The following TNR variants were observed in gnomAD, a reference collection of about 807,000 sequenced individuals.
TNR encodes tenascin-R.
A neutral mutation model predicts 150.4 loss-of-function variants in TNR; 45 were observed. The observed-to-expected ratio is 0.30, with a 90% CI of 0.24 to 0.38. The LOEUF is 0.38. Ranked by LOEUF, TNR falls within the 10% of genes least tolerant of loss-of-function variation. The pLI, the probability that TNR is intolerant of heterozygous loss-of-function variation, is 1.00. For missense variants in TNR, 1,544 were observed against 1,759.1 expected, an observed-to-expected ratio of 0.88 and a Z score of 2.19; for synonymous variants, 687 against 678.4, an observed-to-expected ratio of 1.01 and a Z score of -0.20.
At chr1:175,543,016 GC>G (rs1660562835) in intron 1 of TNR, among the ~76,000 whole-genome samples, 1 of 152,162 alleles carries the variant, frequency 6.6e-6, no homozygotes, top group African/African-American at 2.4e-5. Context: ...GCTCAGAAGG[GC>G]CTTGTGCTTG....
intron 1 of TNR, among the ~76,000 whole-genome samples, chr1:175,706,817 C>T (rs1397512691): frequency 6.6e-6 from 1 of 151,990 alleles, no homozygotes; most frequent in Non-Finnish European, 1.5e-5. Flanking sequence ...CACCTCCTTA[C>T]CCCCAAAAAA....
chr1:175,742,395 C>T (rs771135815), intron 1 of TNR, among the ~76,000 whole-genome samples: 22 of 152,192 alleles, frequency 1.4e-4, no homozygotes, highest in Middle Eastern at 6.8e-3. Context: ...GCCAAATGCC[C>T]CAGAAAACAG....
At chr1:175,614,250 G>C (rs1571677325) in intron 1 of TNR, among the ~76,000 whole-genome samples, 1 of 152,208 alleles carries the variant, frequency 6.6e-6, no homozygotes, top group East Asian at 1.9e-4. Context: ...AAAAGATTAT[G>C]ATACCTATGT....
chr1:175,436,062 C>G (rs1031617723), intron 2 of TNR, among the ~76,000 whole-genome samples: 3 of 152,170 alleles, frequency 2.0e-5, no homozygotes, highest in African/African-American at 7.2e-5. Context: ...TCTCTGGCTG[C>G]CCTTAACATT....
chr1:175,616,501 T>G (rs543871022), intron 1 of TNR, among the ~76,000 whole-genome samples: 3 of 152,298 alleles, frequency 2.0e-5, no homozygotes, highest in Admixed American at 6.5e-5. Flanking sequence ...CTTGGGGGTC[T>G]GGTGTAGCCT....
chr1:175,604,822 C>T (rs779734735), intron 1 of TNR, among the ~76,000 whole-genome samples: 29 of 152,122 alleles, frequency 1.9e-4, no homozygotes, highest in African/African-American at 4.6e-4. Flanking sequence ...TTTGCCGCAG[C>T]GCTAACCAGG....
intron 2 of TNR, among the ~76,000 whole-genome samples, chr1:175,424,955 G>A (rs1244922143): frequency 1.3e-5 from 2 of 152,108 alleles, no homozygotes; most frequent in Non-Finnish European, 2.9e-5. Context: ...GGCTCTAGTA[G>A]TGTTGTATCT....
Position 175,406,786 on chromosome 1 carries a change from G to A in TNR, c.-63-9C>T. Reference sequence around the variant, plus strand: ...CATGGAGTTGTGGGAATCTGCAACGGAAACCAAGGAAAGAGACAACCTCTG... The same window carrying A: ...CATGGAGTTGTGGGAATCTGCAACGAAAACCAAGGAAAGAGACAACCTCTG... On this transcript the variant is annotated splice_polypyrimidine_tract_variant and intron_variant, in intron 2 of 22. Transcript: ENST00000367674. The A allele has an allele frequency of 6.4e-7, 1 of 1,556,806 alleles. No homozygotes were observed. The highest frequency in any genetic ancestry group is 8.7e-7 in the Non-Finnish European group (1 of 1,151,320).
intron 1 of TNR, among the ~76,000 whole-genome samples, chr1:175,727,073 C>T (rs1422858957): frequency 1.3e-5 from 2 of 152,180 alleles, no homozygotes; most frequent in Non-Finnish European, 2.9e-5. Flanking sequence ...AGGCCAGGCT[C>T]TCACAAGGGG....
intron 1 of TNR, among the ~76,000 whole-genome samples, chr1:175,693,250 C>G (rs12406469): frequency 0.083 from 12,649 of 152,280 alleles, 670 homozygotes; most frequent in East Asian, 0.17. Flanking sequence ...CCACACTGCT[C>G]ACTTCTCTTT....
chr1:175,464,994 C>T (rs962393203), intron 2 of TNR, among the ~76,000 whole-genome samples: 1 of 152,060 alleles, frequency 6.6e-6, no homozygotes, highest in Non-Finnish European at 1.5e-5. Context: ...GGGCACTGAG[C>T]CTGAGCAGGC....
chr1:175,654,947 C>T (rs1468587671), intron 1 of TNR, among the ~76,000 whole-genome samples: 1 of 152,150 alleles, frequency 6.6e-6, no homozygotes, highest in Non-Finnish European at 1.5e-5. Flanking sequence ...TGGTCTCGAT[C>T]TCCTGACCTC....
Position 175,712,959 on chromosome 1 carries a change from A to G in TNR, c.-165+30267T>C, listed in dbSNP as rs114930792. 6.7e-3 allele frequency among the ~76,000 whole-genome samples: 1,019 copies of G among 152,308 alleles called. 7 individuals are homozygous for G. Among genetic ancestry groups the G allele is most frequent in the African/African-American group, 0.02 (851 of 41,564 alleles). ...CATAAAGAAAAAGTCCATGATGTCT[A>G]TAGGCTCCTGGCTGGGGGAACTGAT... is the stretch of plus-strand genomic sequence containing the variant. On this transcript the variant is annotated intron_variant, in intron 1 of 22. Transcript: ENST00000367674.
intron 1 of TNR, among the ~76,000 whole-genome samples, chr1:175,732,697 G>A (rs1359584): frequency 0.29 from 43,482 of 152,052 alleles, 6,343 homozygotes; most frequent in African/African-American, 0.35. Context: ...ATAGTCATTA[G>A]GTACACAGAA....
chr1:175,608,008 A>G lies in TNR; in HGVS notation c.-164-79639T>C, dbSNP rs532597582. Among the ~76,000 whole-genome samples the G allele has an allele frequency of 5.1e-3, 775 of 152,370 alleles. 2 individuals carry two copies. Among genetic ancestry groups the G allele is most frequent in the Non-Finnish European group, 7.8e-3 (530 of 68,042 alleles). On this transcript the variant is annotated intron_variant, in intron 1 of 22. Coordinates refer to ENST00000367674, the MANE Select transcript of TNR (RefSeq NM_003285.3). ...GGACAGCAGAGGCTTTCTGACCTAC[A>G]GCCACTGTGCCTCACTAGGAAGAGG...
At chr1:175,597,934 A>G (rs2101844011) in intron 1 of TNR, among the ~76,000 whole-genome samples, 1 of 152,374 alleles carries the variant, frequency 6.6e-6, no homozygotes, top group South Asian at 2.1e-4. Flanking sequence ...AAAATTGAAC[A>G]GACCTCTGCA....
intron 4 of TNR, among the ~76,000 whole-genome samples, chr1:175,397,026 C>G (rs1653460136): frequency 6.6e-6 from 1 of 152,204 alleles, no homozygotes; most frequent in African/African-American, 2.4e-5. Flanking sequence ...GCACTGGAGC[C>G]AGCTCCTACT....
At position 175,323,309 on chromosome 1, in the gene TNR, T is replaced by C; in HGVS notation, c.*48A>G. On this transcript the variant is annotated 3_prime_UTR_variant, in exon 23 of 23. Transcript: ENST00000367674. Reference sequence around the variant, plus strand: ...TCCCCCCTTGTTTCATATTATAAAATACAAACAAATGACAGAAAATATTGG... The same window carrying C: ...TCCCCCCTTGTTTCATATTATAAAACACAAACAAATGACAGAAAATATTGG... The C allele has an allele frequency of 6.2e-7, 1 of 1,606,752 alleles. No homozygotes were observed. The highest frequency in any genetic ancestry group is 8.5e-7 in the Non-Finnish European group (1 of 1,175,722).
At chr1:175,500,164 G>A (rs1271864191) in intron 2 of TNR, among the ~76,000 whole-genome samples, 4 of 152,208 alleles carry the variant, frequency 2.6e-5, no homozygotes, top group African/African-American at 9.6e-5. Context: ...CCTGGGGGAC[G>A]TGAATGAGTC....
Sources: allele counts gnomAD v4.1 joint callset (sites outside exome capture counted in the v4.1 genomes callset), GRCh38; gene constraint gnomAD v4.1.1; transcripts MANE v1.5; gene names NCBI Gene and HGNC (gene_info 2026-07-23, HGNC 2026-07-21).